The following P2RX1 variants were observed in gnomAD, a reference collection of about 807,000 sequenced individuals.
The protein encoded by P2RX1 is P2X purinoceptor 1.
P2RX1 carries 42 observed loss-of-function variants against 50.3 expected under a neutral mutation model. That is an observed-to-expected ratio of 0.83 (90% CI 0.65 to 1.08). The LOEUF (loss-of-function observed/expected upper bound fraction) is 1.08. P2RX1 is among the 50% of genes least tolerant of loss of function. P2RX1 has a pLI of 0.00. For synonymous variants in P2RX1, 199 were observed against 202.6 expected, an observed-to-expected ratio of 0.98 and a Z score of 0.15; for missense variants, 449 against 529.0, an observed-to-expected ratio of 0.85 and a Z score of 1.48.
At chr17:3,900,361 G>A (rs2056115303) in intron 7 of P2RX1, among the ~76,000 whole-genome samples, 1 of 151,788 alleles carries the variant, frequency 6.6e-6, no homozygotes, top group African/African-American at 2.4e-5. Flanking sequence ...GGCTGAGGCA[G>A]GAGAATCATT....
At position 3,903,999 on chromosome 17, in the gene P2RX1, G is replaced by A. The variant is rs2056207464; in HGVS notation, c.453C>T (p.Ala151=). 15 of 1,613,982 alleles carry A rather than the reference G, an allele frequency of 9.3e-6. No homozygotes were observed. The highest frequency in any genetic ancestry group is 1.1e-5 in the Non-Finnish European group (13 of 1,179,984). The change falls in exon 5 of 12, where the codon GCC becomes GCT. Residue 151 remains alanine, a synonymous_variant. Coordinates refer to ENST00000225538, the MANE Select transcript of P2RX1 (RefSeq NM_002558.4). The surrounding 1 kb of genome is among the most constrained non-coding windows in gnomAD (Gnocchi z 4.6). The part of the protein sequence containing the change: ...AQGIRTGKCV[A]FNDTVKTCEI... ...CACACGTCTTCACAGTGTCGTTGAA[G>A]GCCACACACTTGCCCGTGCGGATGC...
chr17:3,902,245 C>T (rs1372575472), intron 7 of P2RX1, among the ~76,000 whole-genome samples: 1 of 152,022 alleles, frequency 6.6e-6, no homozygotes, highest in Non-Finnish European at 1.5e-5. Context: ...CTTGCATCAG[C>T]CTCCTGAGTA....
chr17:3,905,054 C>T (rs2056236409), intron 2 of P2RX1, 125 bp from the exon 3 acceptor site: 1 of 1,145,902 alleles, frequency 8.7e-7, no homozygotes, highest in Admixed American at 2.1e-5. Context: ...CACCACACCC[C>T]CTGCCACCAA....
intron 7 of P2RX1, among the ~76,000 whole-genome samples, chr17:3,901,793 G>A (rs931220617): frequency 6.6e-5 from 10 of 151,896 alleles, no homozygotes; most frequent in African/African-American, 2.2e-4. Context: ...GGCACACGGC[G>A]TCAACTCTGC....
intron 1 of P2RX1, chr17:3,915,228 CACACACAGGGG>C (rs1025384643): frequency 2.0e-5 from 7 of 353,322 alleles, no homozygotes; most frequent in African/African-American, 1.5e-4. Flanking sequence ...CAAGATGCAC[CACACACAGGGG>C]ACACACACTG....
At chr17:3,901,314 G>A (rs201808722) in intron 7 of P2RX1, among the ~76,000 whole-genome samples, 53 of 152,306 alleles carry the variant, frequency 3.5e-4, no homozygotes, top group South Asian at 2.7e-3. Context: ...TGATCCGCCC[G>A]CCTTGGCCTC....
intron 1 of P2RX1, among the ~76,000 whole-genome samples, chr17:3,912,626 C>T (rs1985205): frequency 0.2 from 31,003 of 152,290 alleles, 3,535 homozygotes; most frequent in East Asian, 0.33. Context: ...CCAACGCACC[C>T]GGCCCACCCT....
At chr17:3,898,694 C>A in intron 9 of P2RX1, 145 bp from the exon 10 acceptor site, 1 of 757,076 alleles carries the variant, frequency 1.3e-6, no homozygotes, top group South Asian at 1.5e-5. Context: ...AGCTGCTGGT[C>A]AGTAGACCTG....
Position 3,899,827 on chromosome 17 carries a change from G to A in P2RX1, c.748-66C>T, listed in dbSNP as rs1021224111. On this transcript the variant is annotated intron_variant, in intron 7 of 11. Coordinates refer to ENST00000225538, the MANE Select transcript of P2RX1 (RefSeq NM_002558.4). ...TCAAAAACCCCTGTCTCAGCCGGGCGCAGTGGCTCACACCTGTAATCCCAG... is the reference window on the plus strand; with the variant it reads ...TCAAAAACCCCTGTCTCAGCCGGGCACAGTGGCTCACACCTGTAATCCCAG... 9.5e-6 allele frequency: 15 copies of A among 1,587,058 alleles called. 1 individual carries two copies. The Admixed American group carries it at 1.8e-4, about 20-fold the overall frequency.
chr17:3,905,483 C>A, intron 1 of P2RX1, 116 bp from the exon 2 acceptor site: 1 of 1,212,844 alleles, frequency 8.2e-7, no homozygotes, highest in East Asian at 2.4e-5. Flanking sequence ...CCTAAAGCTC[C>A]TGTCTTGGGC....
Position 3,903,718 on chromosome 17 carries a change from C to G in P2RX1, c.525-87G>C. The G allele has an allele frequency of 6.9e-7, 1 of 1,457,618 alleles. No individual in the cohort carries two copies. Among genetic ancestry groups the G allele is most frequent in the Non-Finnish European group, 9.6e-7 (1 of 1,045,214 alleles). The allele number at this position is 1,457,618 out of a possible 1,614,324, so 90.3% of individuals were successfully genotyped here. ...GAGCTTGGCACAGCAGGGGGTGGGCCGAGCCTCCGGGACCCGCCTGCAGCC... is the reference window on the plus strand; with the variant it reads ...GAGCTTGGCACAGCAGGGGGTGGGCGGAGCCTCCGGGACCCGCCTGCAGCC... On this transcript the variant is annotated intron_variant, in intron 5 of 11. Coordinates refer to ENST00000225538, the MANE Select transcript of P2RX1 (RefSeq NM_002558.4). The surrounding 1 kb of genome is among the most constrained non-coding windows in gnomAD (Gnocchi z 4.6).
In P2RX1 at chr17:3,897,732, G is replaced by T. The variant is rs2056056431; in HGVS notation, c.*82C>A. On this transcript the variant is annotated 3_prime_UTR_variant, in exon 12 of 12. Coordinates refer to ENST00000225538, the MANE Select transcript of P2RX1 (RefSeq NM_002558.4). ...AGAGGGTAGGAGACTTCCTGGGGAG[G>T]CCCCTCTGCCCTGGCTGGGACCCAC... 4 of 1,275,066 alleles carry T rather than the reference G, an allele frequency of 3.1e-6. No individual in the cohort carries two copies. Among genetic ancestry groups the T allele is most frequent in the Non-Finnish European group, 3.4e-6 (3 of 891,292 alleles). 79.0% of individuals were successfully genotyped at this position (1,275,066 alleles called of 1,614,324 possible). A position where few individuals can be genotyped will look rare whatever the true frequency, so the allele number is the denominator to read the frequency against.
At chr17:3,913,428 T>C (rs922059502) in intron 1 of P2RX1, among the ~76,000 whole-genome samples, 1 of 152,146 alleles carries the variant, frequency 6.6e-6, no homozygotes, top group African/African-American at 2.4e-5. Context: ...TGCCCAGCCT[T>C]AACTGAGACC....
intron 2 of P2RX1, 66 bp from the exon 3 acceptor site, chr17:3,904,995 C>A: frequency 7.9e-7 from 1 of 1,263,598 alleles, no homozygotes. Flanking sequence ...CCAAGGGCCC[C>A]ACCGCTGCCC....
intron 4 of P2RX1, 83 bp downstream of exon 4, chr17:3,904,247 C>G: frequency 7.4e-7 from 1 of 1,344,290 alleles, no homozygotes; most frequent in South Asian, 1.2e-5. Flanking sequence ...TGGAGAGAGG[C>G]AGGTCAGCAC....
chr17:3,898,424 T>C (rs2056073511), intron 10 of P2RX1, 60 bp downstream of exon 10: 1 of 1,340,288 alleles, frequency 7.5e-7, no homozygotes, highest in Non-Finnish European at 1.1e-6. Flanking sequence ...TTGCTGCTAC[T>C]GAATTGTGGA....
rs369958398 is a variant in P2RX1, at chr17:3,897,782, G to A, written c.*32C>T. On this transcript the variant is annotated 3_prime_UTR_variant, in exon 12 of 12. Transcript: ENST00000225538. ...CCAGGGCTCCAGGCTGAAGCCTCAC[G>A]CTGCACCCAGTCAGGAGTTGGGGCC... is the stretch of plus-strand genomic sequence containing the variant. The A allele has an allele frequency of 2.9e-5, 46 of 1,603,902 alleles. No homozygotes were observed. Among genetic ancestry groups the A allele is most frequent in the African/African-American group, 1.9e-4 (14 of 74,788 alleles).
In P2RX1 at chr17:3,903,088, T is replaced by A. The variant is rs1039821624; in HGVS notation, c.747+114A>T. On this transcript the variant is annotated intron_variant, in intron 7 of 11. Transcript: ENST00000225538. The surrounding 1 kb of genome is among the most constrained non-coding windows in gnomAD (Gnocchi z 4.6). ...GCCCCAGTATCAGGGGACAGACCCA[T>A]ACATATACTCAGCCCTCACCGAGGA... The A allele has an allele frequency of 4.9e-6, 7 of 1,432,506 alleles. No individual in the cohort carries two copies. The highest frequency in any genetic ancestry group is 1.9e-5 in the Admixed American group (1 of 53,966). The allele number at this position is 1,432,506 out of a possible 1,614,324, so 88.7% of individuals were successfully genotyped here.
Position 3,903,253 on chromosome 17 carries a change from A to G in P2RX1, c.696T>C (p.Leu232=), listed in dbSNP as rs116261604. Residue 232 remains leucine (L), a synonymous_variant, in exon 7 of 12, where the codon CTT becomes CTC. Coordinates refer to ENST00000225538, the MANE Select transcript of P2RX1 (RefSeq NM_002558.4). This position sits in a 1 kb window ranked among gnomAD's most constrained non-coding sequence, Gnocchi z 4.6. The part of the protein sequence containing the change: ...TLHPLCPVFQ[L]GYVVQESGQN... ...GGCCTGACTCTTGCACCACGTAGCC[A>G]AGCTGGAAGACTGGGCACAGGGGGT... is the stretch of plus-strand genomic sequence containing the variant. The G allele has an allele frequency of 2.4e-4, 393 of 1,614,150 alleles. 1 individual carries two copies. The African/African-American group carries it at 4.2e-3, about 17-fold the overall frequency.
Sources: gnomAD v4.1 joint callset for allele counts (sites outside exome capture counted in the v4.1 genomes callset) on GRCh38, gnomAD v4.1.1 for gene constraint, Gnocchi (gnomAD v3.1) non-coding constraint, MANE v1.5 for transcripts, NCBI Gene and HGNC (gene_info 2026-07-23, HGNC 2026-07-21) for gene names.